The following TAMM41 variants were observed in gnomAD, a reference collection of about 807,000 sequenced individuals.
TAMM41 encodes the protein TAM41 mitochondrial translocator assembly and maintenance homolog.
TAMM41 carries 36 observed loss-of-function variants against 44.1 expected under a neutral mutation model. The observed-to-expected ratio is 0.82, with a 90% CI of 0.63 to 1.08. The LOEUF is 1.08. Ranked by LOEUF, TAMM41 falls within the 50% of genes least tolerant of loss-of-function variation. The pLI is 0.00. For synonymous variants in TAMM41, 164 were observed against 153.1 expected, an observed-to-expected ratio of 1.07 and a Z score of -0.53; for missense variants, 417 against 404.3, an observed-to-expected ratio of 1.03 and a Z score of -0.27.
the TAMM41 span, among the ~76,000 whole-genome samples, chr3:11,758,628 G>A: frequency 5.3e-5 from 8 of 152,100 alleles, no homozygotes; most frequent in Non-Finnish European, 1.2e-4. Flanking sequence ...TGGGATTACC[G>A]GCGTGAGCCA....
intron 5 of TAMM41, among the ~76,000 whole-genome samples, chr3:11,815,301 C>G (rs183123993): frequency 6.6e-6 from 1 of 152,084 alleles, no homozygotes; most frequent in Non-Finnish European, 1.5e-5. Flanking sequence ...TGGAGGAGTG[C>G]GGCTGTGCAG....
At chr3:11,751,242 C>G in the TAMM41 span, among the ~76,000 whole-genome samples, 1 of 152,074 alleles carries the variant, frequency 6.6e-6, no homozygotes, top group Non-Finnish European at 1.5e-5. Flanking sequence ...CAGGCATGTG[C>G]CACCACACCT....
At chr3:11,735,117 T>C in the TAMM41 span, among the ~76,000 whole-genome samples, 4 of 150,794 alleles carry the variant, frequency 2.7e-5, no homozygotes, top group Non-Finnish European at 4.4e-5. Flanking sequence ...CCTAGCACTT[T>C]GGGAGGCTGA....
chr3:11,844,807 G>C (rs1033265160), intron 1 of TAMM41: 1 of 410,090 alleles, frequency 2.4e-6, no homozygotes, highest in Admixed American at 2.8e-5. Flanking sequence ...CCCTAGGGTA[G>C]AAGTATAGAG....
At chr3:11,753,566 T>TA in the TAMM41 span, among the ~76,000 whole-genome samples, 35,530 of 148,028 alleles carry the variant, frequency 0.24, 4,279 homozygotes, top group Non-Finnish European at 0.28. Flanking sequence ...CTACTAAAAA[T>TA]AAAAAAAAAT....
chr3:11,802,271 A>AC (rs1393345368), intron 7 of TAMM41, among the ~76,000 whole-genome samples: 3 of 152,202 alleles, frequency 2.0e-5, no homozygotes, highest in Non-Finnish European at 2.9e-5. Context: ...AAATTGATAA[A>AC]CCACTAGCTA....
chr3:11,749,831 C>G, the TAMM41 span, among the ~76,000 whole-genome samples: 1 of 151,812 alleles, frequency 6.6e-6, no homozygotes, highest in East Asian at 1.9e-4. Context: ...ATTTGGATAC[C>G]GGAAATCTCT....
rs1435558126 is a variant in TAMM41, at chr3:11,834,733, T to A, written c.411+4489A>T. 2.0e-5 allele frequency among the ~76,000 whole-genome samples: 3 copies of A among 152,186 alleles called. No individual in the cohort carries two copies. In the East Asian group the frequency reaches 5.8e-4, roughly 29 times the overall value. On this transcript the variant is annotated intron_variant, in intron 3 of 7. Transcript: ENST00000455809. ...ACATGGTCTTGCTCTGTCATCCAGC[T>A]TGGAGTGCAGTGGCATGATCTTGAC...
At chr3:11,836,326 T>G (rs2079174049) in intron 3 of TAMM41, among the ~76,000 whole-genome samples, 1 of 152,016 alleles carries the variant, frequency 6.6e-6, no homozygotes, top group Non-Finnish European at 1.5e-5. Flanking sequence ...TGGACCTTTA[T>G]TCTACAGATA....
the TAMM41 span, among the ~76,000 whole-genome samples, chr3:11,724,095 A>T: frequency 2.0e-5 from 3 of 150,752 alleles, no homozygotes; most frequent in Non-Finnish European, 4.4e-5. Flanking sequence ...TTATATTTTT[A>T]TTTATTTATT....
chr3:11,770,242 A>C, the TAMM41 span, among the ~76,000 whole-genome samples: 1 of 152,138 alleles, frequency 6.6e-6, no homozygotes, highest in Non-Finnish European at 1.5e-5. Flanking sequence ...TGGACTGCTC[A>C]TCAGTCAGTG....
At position 11,846,660 on chromosome 3, in the gene TAMM41, C is replaced by T. The variant is rs1189368715; in HGVS notation, c.-24G>A. 1.2e-6 allele frequency: 2 copies of T among 1,614,018 alleles called. No individual in the cohort carries two copies. The highest frequency in any genetic ancestry group is 8.5e-7 in the Non-Finnish European group (1 of 1,179,934). ...ATGGGGTCGAGGCTAACAGGGGACA[C>T]TCAGCGCAGCAGGGCGAGGACAACC... On this transcript the variant is annotated 5_prime_UTR_variant, in exon 1 of 8. The change creates a new upstream start codon in the 5' untranslated region. Transcript: ENST00000455809.
chr3:11,770,055 G>T, the TAMM41 span, among the ~76,000 whole-genome samples: 1 of 152,222 alleles, frequency 6.6e-6, no homozygotes, highest in Admixed American at 6.5e-5. Flanking sequence ...AAGAAAACTT[G>T]ATTCCAGTTA....
chr3:11,843,252 G>A (rs2079530210), intron 2 of TAMM41, among the ~76,000 whole-genome samples: 1 of 152,160 alleles, frequency 6.6e-6, no homozygotes, highest in Non-Finnish European at 1.5e-5. Context: ...CCAGACCAAT[G>A]GTTCTAGACC....
intron 2 of TAMM41, among the ~76,000 whole-genome samples, chr3:11,841,573 T>C (rs2079443853): frequency 6.6e-6 from 1 of 152,244 alleles, no homozygotes. Flanking sequence ...TGGCATATAA[T>C]TATGCCCAAA....
intron 7 of TAMM41, among the ~76,000 whole-genome samples, chr3:11,799,565 A>G (rs1442378928): frequency 1.3e-5 from 2 of 152,246 alleles, no homozygotes; most frequent in South Asian, 2.1e-4. Flanking sequence ...AGTGTGAGGT[A>G]ACATACATTC....
chr3:11,743,584 C>T, the TAMM41 span, among the ~76,000 whole-genome samples: 1 of 152,102 alleles, frequency 6.6e-6, no homozygotes, highest in Non-Finnish European at 1.5e-5. Context: ...CCACCTGCCT[C>T]GACCTCTCAA....
At chr3:11,722,898 G>A in the TAMM41 span, among the ~76,000 whole-genome samples, 2 of 152,196 alleles carry the variant, frequency 1.3e-5, no homozygotes, top group Admixed American at 1.3e-4. Context: ...GAACCCGGGA[G>A]GCTGCAGTGA....
chr3:11,843,926 G>A, intron 2 of TAMM41, 103 bp downstream of exon 2: 1 of 1,162,184 alleles, frequency 8.6e-7, no homozygotes, highest in Non-Finnish European at 1.2e-6. Context: ...TCCAGCAGGA[G>A]TGTGAATGTT....
Sources: gnomAD v4.1 joint callset for allele counts (sites outside exome capture counted in the v4.1 genomes callset) on GRCh38, gnomAD v4.1.1 for gene constraint, MANE v1.5 for transcripts, NCBI Gene and HGNC (gene_info 2026-07-23, HGNC 2026-07-21) for gene names.